Variants in LNPEP observed in about 807,000 individuals in gnomAD.
LNPEP encodes the protein leucyl-cystinyl aminopeptidase.
LNPEP carries 64 observed loss-of-function variants against 120.6 expected under a neutral mutation model. That is an observed-to-expected ratio of 0.53 (90% CI 0.43 to 0.65). The LOEUF is 0.65. Among genes scored for constraint, LNPEP ranks in the 30% least tolerant of loss-of-function variants. The pLI, the probability that LNPEP is intolerant of heterozygous loss-of-function variation, is 0.00. For synonymous variants in LNPEP, 435 were observed against 425.4 expected (o/e 1.02, Z -0.28); for missense variants, 1,057 against 1,200.0 (o/e 0.88, Z 1.76).
intron 4 of LNPEP, among the ~76,000 whole-genome samples, chr5:96,987,454 T>C (rs544184008): frequency 6.6e-6 from 1 of 152,194 alleles, no homozygotes; most frequent in Non-Finnish European, 1.5e-5. Context: ...TACCAGGGAA[T>C]ATACTGCTAG....
At chr5:96,951,262 TGGCGGGGGGCGCGGGG>T (rs1789313062) in intron 1 of LNPEP, among the ~76,000 whole-genome samples, 1 of 140,242 alleles carries the variant, frequency 7.1e-6, no homozygotes, top group Non-Finnish European at 1.5e-5. Flanking sequence ...TTTCTTTTTT[TGGCGGGGGGCGCGGGG>T]GACAGAGTCT....
At chr5:96,962,441 C>G (rs1279621067) in intron 1 of LNPEP, among the ~76,000 whole-genome samples, 3 of 152,288 alleles carry the variant, frequency 2.0e-5, no homozygotes, top group Non-Finnish European at 2.9e-5. Flanking sequence ...TGAGTACACA[C>G]TGTGTGCTAG....
chr5:96,958,471 C>T, intron 1 of LNPEP: 1 of 984,568 alleles, frequency 1.0e-6, no homozygotes, highest in Non-Finnish European at 1.2e-6. Flanking sequence ...CCACTAAGTA[C>T]AGAAGTGGAG....
At position 97,029,169 on chromosome 5, in the gene LNPEP, A is replaced by T. The variant is rs935301094; in HGVS notation, c.*636A>T. On this transcript the variant is annotated 3_prime_UTR_variant, in exon 18 of 18. Transcript: ENST00000231368. ...TAGCCAGGTGCTACAGATTTTTAAA[A>T]TTTTTGTTGTATTGAAAAGCTAAAC... is the stretch of plus-strand genomic sequence containing the variant. The T allele has an allele frequency of 1.3e-5, 2 of 152,348 alleles. No homozygotes were observed. Among genetic ancestry groups the T allele is most frequent in the Non-Finnish European group, 2.9e-5 (2 of 68,038 alleles). 9.4% of individuals were successfully genotyped at this position (152,348 alleles called of 1,614,324 possible).
chr5:96,945,988 C>G (rs1789177681), intron 1 of LNPEP, among the ~76,000 whole-genome samples: 1 of 152,084 alleles, frequency 6.6e-6, no homozygotes, highest in African/African-American at 2.4e-5. Context: ...TAATACATGT[C>G]TGGTGTCTGC....
chr5:96,965,729 C>G (rs189848107), intron 1 of LNPEP, among the ~76,000 whole-genome samples: 22 of 152,124 alleles, frequency 1.4e-4, no homozygotes, highest in Admixed American at 1.3e-3. Flanking sequence ...AAATGTCTTA[C>G]AGAGAGAATG....
At chr5:96,991,524 G>A (rs1255601392) in intron 4 of LNPEP, among the ~76,000 whole-genome samples, 1 of 151,920 alleles carries the variant, frequency 6.6e-6, no homozygotes, top group African/African-American at 2.4e-5. Context: ...AGGTGGTATC[G>A]CTTTGTGGTT....
intron 1 of LNPEP, among the ~76,000 whole-genome samples, chr5:96,944,560 C>CTTTTTTTTTTTTTTTTTTTTTTTT: frequency 1.8e-5 from 1 of 56,374 alleles, no homozygotes; most frequent in South Asian, 7.1e-4. Flanking sequence ...CTTATTTTTG[C>CTTTTTTTTTTTTTTTTTTTTTTTT]TTTTTTTTTT....
At chr5:96,975,360 C>G (rs905967806) in intron 1 of LNPEP, among the ~76,000 whole-genome samples, 2 of 152,126 alleles carry the variant, frequency 1.3e-5, no homozygotes, top group African/African-American at 2.4e-5. Context: ...TTCAGTTATA[C>G]AAGTTGGAAT....
chr5:96,943,480 T>A lies in LNPEP; in HGVS notation c.19+7306T>A, dbSNP rs193059288. ...TTTTGTATTTTTTGTAGAGATGGAG[T>A]TTTGCCATGTTGGCCAGGCTGGTCT... is the stretch of plus-strand genomic sequence containing the variant. On this transcript the variant is annotated intron_variant, in intron 1 of 17. Coordinates refer to ENST00000231368, the MANE Select transcript of LNPEP (RefSeq NM_005575.3). Among the ~76,000 whole-genome samples, 119 of 152,154 alleles carry A rather than the reference T, an allele frequency of 7.8e-4. 1 individual carries two copies. Among genetic ancestry groups the A allele is most frequent in the African/African-American group, 2.7e-3 (113 of 41,504 alleles).
chr5:96,979,862 C>T lies in LNPEP; in HGVS notation c.744C>T (p.Pro248=), dbSNP rs769467536. The change falls in exon 2 of 18, where the codon CCC becomes CCT. Residue 248 remains proline, a synonymous_variant. Transcript: ENST00000231368. ...AYHGQIAIVA[P]EALLAGHNYT... is the part of the protein sequence containing the mutation. ...ATGGACAGATCGCCATTGTTGCCCC[C>T]GAAGCCCTTCTAGCAGGGCACAATT... is the stretch of plus-strand genomic sequence containing the variant. 7.9e-5 allele frequency: 128 copies of T among 1,613,840 alleles called. No individual in the cohort carries two copies. Among genetic ancestry groups the T allele is most frequent in the Middle Eastern group, 1.6e-4 (1 of 6,080 alleles).
At chr5:96,942,172 A>T (rs1465514540) in intron 1 of LNPEP, 1 of 152,050 alleles carries the variant, frequency 6.6e-6, no homozygotes, top group Non-Finnish European at 1.5e-5. Flanking sequence ...GTAAGTTGGG[A>T]CTGTTCACTT....
chr5:96,988,120 T>C (rs978414862), intron 4 of LNPEP, among the ~76,000 whole-genome samples: 1 of 151,848 alleles, frequency 6.6e-6, no homozygotes, highest in South Asian at 2.1e-4. Context: ...CTTGGCATTT[T>C]CCCCCCTTCT....
chr5:96,966,155 C>T (rs1789718873), intron 1 of LNPEP, among the ~76,000 whole-genome samples: 1 of 152,030 alleles, frequency 6.6e-6, no homozygotes, highest in African/African-American at 2.4e-5. Context: ...GACTATAGAA[C>T]TGCACAGCTG....
chr5:96,968,692 T>C (rs1416146062), intron 1 of LNPEP, among the ~76,000 whole-genome samples: 1 of 151,984 alleles, frequency 6.6e-6, no homozygotes, highest in Non-Finnish European at 1.5e-5. Flanking sequence ...TTGAAAAGAT[T>C]ACATTGGACC....
chr5:97,018,684 A>T (rs1791120235), intron 13 of LNPEP, among the ~76,000 whole-genome samples: 1 of 152,188 alleles, frequency 6.6e-6, no homozygotes, highest in African/African-American at 2.4e-5. Context: ...AGGAATTGGG[A>T]TAGGAGACAT....
At chr5:97,003,048 A>G (rs1790690684) in intron 8 of LNPEP, among the ~76,000 whole-genome samples, 1 of 152,152 alleles carries the variant, frequency 6.6e-6, no homozygotes, top group African/African-American at 2.4e-5. Context: ...AGCACTGGGG[A>G]TGGAGGTGTA....
intron 13 of LNPEP, among the ~76,000 whole-genome samples, chr5:97,021,918 C>CTTTTTTT (rs1561455270): frequency 9.2e-4 from 46 of 50,010 alleles, no homozygotes; most frequent in Admixed American, 8.1e-3. Context: ...TGTTTTTTGT[C>CTTTTTTT]TTTTGTTTTT....
chr5:96,979,886 T>C lies in LNPEP; in HGVS notation c.768T>C (p.Asn256=), dbSNP rs540613230. The change falls in exon 2 of 18, where the codon AAT becomes AAC. Residue 256 remains asparagine, a synonymous_variant. Coordinates refer to ENST00000231368, the MANE Select transcript of LNPEP (RefSeq NM_005575.3). ...VAPEALLAGH[N]YTLKIEYSAN... ...CCGAAGCCCTTCTAGCAGGGCACAA[T>C]TATACGTTGAAGATAGAGTACTCGG... 2 of 1,613,964 alleles carry C rather than the reference T, an allele frequency of 1.2e-6. No individual in the cohort carries two copies. The highest frequency in any genetic ancestry group is 3.3e-5 in the Admixed American group (2 of 59,994).
Sources: allele counts gnomAD v4.1 joint callset (sites outside exome capture counted in the v4.1 genomes callset), GRCh38; gene constraint gnomAD v4.1.1; transcripts MANE v1.5; gene names NCBI Gene and HGNC (gene_info 2026-07-23, HGNC 2026-07-21).